Variants in DHRSX observed in about 807,000 individuals in gnomAD.
The protein encoded by DHRSX is dehydrogenase/reductase X-linked.
Under a neutral mutation model 34.0 loss-of-function variants are expected in DHRSX, and 31 were observed. The observed-to-expected ratio is 0.91, with a 90% confidence interval of 0.69 to 1.23. The LOEUF (loss-of-function observed/expected upper bound fraction) is 1.23. DHRSX is among the 50% of genes most tolerant of loss of function. The pLI is 0.00. For synonymous variants in DHRSX, 201 were observed against 183.8 expected, an observed-to-expected ratio of 1.09 and a Z score of -0.76; for missense variants, 414 against 428.1, an observed-to-expected ratio of 0.97 and a Z score of 0.29.
At chrX:2,488,962 G>T (rs2045038355) in intron 1 of DHRSX, 1 of 1,596,644 alleles carries the variant, frequency 6.3e-7, no homozygotes, top group Non-Finnish European at 8.5e-7. Context: ...ACTTGAGGGG[G>T]TCTTCGTTGA....
intron 6 of DHRSX, among the ~76,000 whole-genome samples, chrX:2,233,678 C>T (rs2015949281): frequency 6.6e-6 from 1 of 151,700 alleles, no homozygotes; most frequent in Non-Finnish European, 1.5e-5. Context: ...GCTCTTGGGG[C>T]AAAGGAAGAG....
rs2044402811 is a variant in DHRSX at position 2,461,586 on chromosome X, G to GACT, written c.110-36283_110-36282insAGT. ...AGGGTGTCTCTCACTCTGGTGCCCA[G>GACT]GCTGCACGACAGTGATGCAATCTCA... On this transcript the variant is annotated intron_variant, in intron 1 of 6. Transcript: ENST00000334651. 2.0e-5 allele frequency among the ~76,000 whole-genome samples: 3 copies of GACT among 152,166 alleles called. No homozygotes were observed. The South Asian group carries it at 6.2e-4, about 32-fold the overall frequency.
rs193069432 is a variant in DHRSX at position 2,475,344 on chromosome X, G to A, written c.109+25473C>T. On this transcript the variant is annotated intron_variant, in intron 1 of 6. Coordinates refer to ENST00000334651, the MANE Select transcript of DHRSX (RefSeq NM_145177.3). ...CAATGAAGACGTTCCCTAAGCATGC[G>A]GCTAAGGGAATGCCGACATGTACAC... 9.0e-3 allele frequency among the ~76,000 whole-genome samples: 1,347 copies of A among 149,442 alleles called. 28 individuals carry two copies. Among genetic ancestry groups the A allele is most frequent in the African/African-American group, 0.032 (1,267 of 39,416 alleles).
intron 3 of DHRSX, among the ~76,000 whole-genome samples, chrX:2,383,562 A>C (rs2043238437): frequency 2.0e-5 from 3 of 152,184 alleles, no homozygotes; most frequent in African/African-American, 7.2e-5. Context: ...CATCAACATC[A>C]TCATTGTGGC....
intron 4 of DHRSX, among the ~76,000 whole-genome samples, chrX:2,273,791 C>A (rs1225280296): frequency 6.6e-6 from 1 of 152,210 alleles, no homozygotes; most frequent in Non-Finnish European, 1.5e-5. Context: ...TGAGCAAATT[C>A]TTGGTGACAA....
intron 1 of DHRSX, among the ~76,000 whole-genome samples, chrX:2,425,818 CA>C (rs1271588258): frequency 6.6e-6 from 1 of 152,156 alleles, no homozygotes; most frequent in Non-Finnish European, 1.5e-5. Context: ...CAGGACCACA[CA>C]GGGGCGCACC....
intron 3 of DHRSX, among the ~76,000 whole-genome samples, chrX:2,371,380 G>A (rs58283561): frequency 2.1e-5 from 1 of 46,630 alleles, no homozygotes; most frequent in Non-Finnish European, 4.8e-5. Context: ...TAGACCCTCC[G>A]TTACCACAGT....
intron 1 of DHRSX, among the ~76,000 whole-genome samples, chrX:2,474,046 G>A (rs1194299725): frequency 6.6e-6 from 1 of 151,990 alleles, no homozygotes; most frequent in African/African-American, 2.4e-5. Flanking sequence ...CACTGTGCCT[G>A]GGATGGGCGG....
At chrX:2,344,380 C>T (rs183431490) in intron 3 of DHRSX, among the ~76,000 whole-genome samples, 22 of 152,190 alleles carry the variant, frequency 1.4e-4, no homozygotes, top group African/African-American at 5.1e-4. Context: ...GAAATAGGAA[C>T]GCTTTTACAC....
chrX:2,360,748 G>C (rs1218960019), intron 3 of DHRSX, among the ~76,000 whole-genome samples: 1 of 152,042 alleles, frequency 6.6e-6, no homozygotes, highest in African/African-American at 2.4e-5. Flanking sequence ...TCTTGGTGGA[G>C]TTGGTACCGA....
intron 1 of DHRSX, among the ~76,000 whole-genome samples, chrX:2,434,122 G>C (rs779616956): frequency 6.6e-6 from 1 of 152,234 alleles, no homozygotes; most frequent in East Asian, 1.9e-4. Context: ...CCACAAATGG[G>C]TAAAGGAAAT....
At chrX:2,284,404 TTGAA>T (rs750399883) in intron 4 of DHRSX, among the ~76,000 whole-genome samples, 100,544 of 151,164 alleles carry the variant, frequency 0.67, 34,252 homozygotes, top group Middle Eastern at 0.79. Context: ...ATGAATGAAT[TTGAA>T]TGAATGAATG....
chrX:2,245,675 T>C (rs1398319564), intron 5 of DHRSX, among the ~76,000 whole-genome samples: 1 of 145,650 alleles, frequency 6.9e-6, no homozygotes, highest in East Asian at 2.2e-4. Flanking sequence ...AACCAAGCTA[T>C]GGCCAGACGC....
chrX:2,287,242 T>G (rs2041814122), intron 4 of DHRSX, among the ~76,000 whole-genome samples: 2 of 152,198 alleles, frequency 1.3e-5, no homozygotes, highest in Admixed American at 6.5e-5. Context: ...GACAGAATCA[T>G]GACCCCAAAA....
At chrX:2,247,563 A>C (rs2016327113) in intron 5 of DHRSX, among the ~76,000 whole-genome samples, 1 of 149,362 alleles carries the variant, frequency 6.7e-6, no homozygotes, top group Admixed American at 6.7e-5. Context: ...CTGAGGCAGG[A>C]GAATGGCGTG....
intron 1 of DHRSX, among the ~76,000 whole-genome samples, chrX:2,474,359 T>TG (rs1569505010): frequency 2.0e-5 from 3 of 152,064 alleles, no homozygotes; most frequent in African/African-American, 7.2e-5. Context: ...TCCCTAAGAA[T>TG]GGGGCCAAGG....
chrX:2,392,252 T>C (rs2043343763), intron 3 of DHRSX: 1 of 155,470 alleles, frequency 6.4e-6, no homozygotes. Flanking sequence ...ATGCCATGCA[T>C]GTTACAGTTC....
At chrX:2,382,660 TC>T (rs1292881957) in intron 3 of DHRSX, among the ~76,000 whole-genome samples, 6 of 66,868 alleles carry the variant, frequency 9.0e-5, no homozygotes, top group Non-Finnish European at 3.5e-5. Context: ...ATCACCACCA[TC>T]ATCACCATCA....
chrX:2,308,875 T>C (rs1364592668), intron 3 of DHRSX, among the ~76,000 whole-genome samples: 1 of 142,526 alleles, frequency 7.0e-6, no homozygotes, highest in African/African-American at 2.7e-5. Flanking sequence ...GAGGAAAGGA[T>C]GGGTGGAAAC....
Sources: gnomAD v4.1 joint callset for allele counts (sites outside exome capture counted in the v4.1 genomes callset) on GRCh38, gnomAD v4.1.1 for gene constraint, MANE v1.5 for transcripts, NCBI Gene and HGNC (gene_info 2026-07-23, HGNC 2026-07-21) for gene names.